The following MAP3K7 variants were observed in gnomAD, a reference collection of about 807,000 sequenced individuals.
The protein encoded by MAP3K7 is TGF-beta activated kinase 1.
Under a neutral mutation model 84.8 loss-of-function variants are expected in MAP3K7, and 21 were observed. The observed-to-expected ratio is 0.25, with a 90% CI of 0.18 to 0.36. The LOEUF (loss-of-function observed/expected upper bound fraction) is 0.36, where lower values mean the gene tolerates loss of function less well. MAP3K7 is among the 10% of genes least tolerant of loss of function. MAP3K7 has a pLI of 1.00. For synonymous variants in MAP3K7, 241 were observed against 247.7 expected, an observed-to-expected ratio of 0.97 and a Z score of 0.25; for missense variants, 503 against 747.7, an observed-to-expected ratio of 0.67 and a Z score of 3.82.
chr6:90,537,131 A>C (rs1379333212), intron 12 of MAP3K7: 1 of 152,062 alleles, frequency 6.6e-6, no homozygotes, highest in Non-Finnish European at 1.5e-5. Flanking sequence ...AAAACAATGA[A>C]TTGAGCAATG....
chr6:90,566,335 CCTT>C (rs1776703694), intron 3 of MAP3K7, among the ~76,000 whole-genome samples: 2 of 152,192 alleles, frequency 1.3e-5, no homozygotes, highest in Admixed American at 1.3e-4. Context: ...CCCAAAATCT[CCTT>C]AAGCTGATAA....
intron 1 of MAP3K7, among the ~76,000 whole-genome samples, chr6:90,577,167 G>T: frequency 6.6e-6 from 1 of 152,210 alleles, no homozygotes; most frequent in Non-Finnish European, 1.5e-5. Flanking sequence ...TGTTTTAGAA[G>T]TAGAGTCAAT....
chr6:90,527,270 C>CTT (rs990290061), intron 13 of MAP3K7, among the ~76,000 whole-genome samples: 16 of 147,890 alleles, frequency 1.1e-4, no homozygotes, highest in African/African-American at 3.7e-4. Context: ...TTCTTTCTTT[C>CTT]TTTTTTTTTT....
chr6:90,525,725 G>A lies in MAP3K7; in HGVS notation c.1357-1942C>T, dbSNP rs1217804856. ...TGGGACTACAGGCACACACAACTAT[G>A]CCCAGTTAATTTTAAAATATTTTGT... is the stretch of plus-strand genomic sequence containing the variant. On this transcript the variant is annotated intron_variant, in intron 13 of 16. Coordinates refer to ENST00000369329, the MANE Select transcript of MAP3K7 (RefSeq NM_145331.3). 2.7e-5 allele frequency among the ~76,000 whole-genome samples: 4 copies of A among 150,712 alleles called. No homozygotes were observed. In the South Asian group the frequency reaches 8.4e-4, roughly 32 times the overall value.
At chr6:90,534,399 A>G (rs1028708917) in intron 13 of MAP3K7, among the ~76,000 whole-genome samples, 4 of 152,298 alleles carry the variant, frequency 2.6e-5, no homozygotes, top group African/African-American at 9.6e-5. Flanking sequence ...TATAACACAA[A>G]TAATTTTGAA....
chr6:90,585,751 A>G (rs1760632817), intron 1 of MAP3K7, among the ~76,000 whole-genome samples: 1 of 152,216 alleles, frequency 6.6e-6, no homozygotes, highest in Non-Finnish European at 1.5e-5. Context: ...GTTTTCTGAT[A>G]GCGATTTCTA....
chr6:90,527,451 A>G (rs536582333), intron 13 of MAP3K7, among the ~76,000 whole-genome samples: 76 of 151,650 alleles, frequency 5.0e-4, no homozygotes, highest in African/African-American at 1.8e-3. Context: ...ATTTGTGTAG[A>G]GACGGGGTCT....
chr6:90,548,150 T>C lies in MAP3K7; in HGVS notation c.977A>G (p.Asn326Ser). The change falls in exon 10 of 17, where the codon AAT becomes AGT. Residue 326 changes from asparagine to serine, a missense_variant. Asn to Ser is a conservative substitution (Grantham distance 46). Around this residue, in one of 5 missense-constraint regions of MAP3K7, gnomAD observed 286 missense variants for 313.6 expected, o/e 0.91. Coordinates refer to ENST00000369329, the MANE Select transcript of MAP3K7 (RefSeq NM_145331.3). ...ATTAGTGTCACTTTTGTTACTCGTA[T>C]TTGTAGAAGCAATGTCCATGAATGA... ...TGSFMDIAST[N>S]TSNKSDTNME... is the part of the protein sequence containing the mutation. 1.2e-6 allele frequency: 2 copies of C among 1,612,072 alleles called. No homozygotes were observed. The highest frequency in any genetic ancestry group is 8.5e-7 in the Non-Finnish European group (1 of 1,179,000).
intron 15 of MAP3K7, 62 bp downstream of exon 15, chr6:90,519,196 T>C (rs1775067178): frequency 2.7e-6 from 3 of 1,093,854 alleles, no homozygotes; most frequent in Non-Finnish European, 2.8e-6. Flanking sequence ...AGCAACACAA[T>C]TGTCAACTTA....
chr6:90,586,809 G>A lies in MAP3K7; in HGVS notation c.75C>T (p.Val25=). Residue 25 remains valine, a synonymous_variant, in exon 1 of 17, where the codon GTC becomes GTT. Coordinates refer to ENST00000369329, the MANE Select transcript of MAP3K7 (RefSeq NM_145331.3). ...AGEMIEAPSQ[V]LNFEEIDYKE... Reference sequence around the variant, plus strand: ...TGTAGTCGATCTCTTCAAAGTTGAGGACCTGGGAAGGGGCTTCGATCATCT... The same window carrying A: ...TGTAGTCGATCTCTTCAAAGTTGAGAACCTGGGAAGGGGCTTCGATCATCT... 2 of 1,610,444 alleles carry A rather than the reference G, an allele frequency of 1.2e-6. No individual in the cohort carries two copies. The highest frequency in any genetic ancestry group is 1.7e-6 in the Non-Finnish European group (2 of 1,178,352).
intron 6 of MAP3K7, 90 bp from the exon 7 acceptor site, chr6:90,553,676 A>C: frequency 9.0e-7 from 1 of 1,110,294 alleles, no homozygotes; most frequent in South Asian, 1.6e-5. Flanking sequence ...AATGGGTATC[A>C]GGGATAAAAA....
At chr6:90,557,353 C>T (rs1776369635) in intron 5 of MAP3K7, among the ~76,000 whole-genome samples, 1 of 152,084 alleles carries the variant, frequency 6.6e-6, no homozygotes, top group South Asian at 2.1e-4. Flanking sequence ...GTAGTAATAT[C>T]CAATAGCAGT....
At chr6:90,532,359 A>G (rs1436834602) in intron 13 of MAP3K7, among the ~76,000 whole-genome samples, 1 of 152,218 alleles carries the variant, frequency 6.6e-6, no homozygotes, top group Non-Finnish European at 1.5e-5. Context: ...AGAGGCTGGC[A>G]TACAACATGG....
intron 14 of MAP3K7, among the ~76,000 whole-genome samples, chr6:90,522,813 A>G (rs1423817517): frequency 6.6e-6 from 1 of 152,176 alleles, no homozygotes; most frequent in Non-Finnish European, 1.5e-5. Flanking sequence ...TAAAGACAGA[A>G]AGCTGGCTTT....
intron 1 of MAP3K7, among the ~76,000 whole-genome samples, chr6:90,582,827 TATC>T (rs1481769172): frequency 1.3e-5 from 2 of 152,108 alleles, no homozygotes; most frequent in African/African-American, 2.4e-5. Flanking sequence ...TCCAGTCTGA[TATC>T]ATACTAAGTC....
At chr6:90,560,257 TAA>T in intron 4 of MAP3K7, 43 bp from the exon 5 acceptor site, 1 of 1,608,434 alleles carries the variant, frequency 6.2e-7, no homozygotes, top group East Asian at 2.2e-5. Flanking sequence ...TTATTGCATA[TAA>T]CAAAAGACAC....
chr6:90,544,613 C>T lies in MAP3K7; in HGVS notation c.1230G>A (p.Arg410=). 1 of 1,612,382 alleles carries T rather than the reference C, an allele frequency of 6.2e-7. No homozygotes were observed. The highest frequency in any genetic ancestry group is 8.5e-7 in the Non-Finnish European group (1 of 1,178,872). The part of the protein sequence containing the change: ...AATTAYSKPK[R]GHRKTASFGN... ...CAAATGAAGCAGTTTTACGGTGGCC[C>T]CGTTTAGGCTTGGAATAGGCTGCAA... is the stretch of plus-strand genomic sequence containing the variant. Residue 410 remains arginine, a synonymous_variant, in exon 12 of 17, where the codon CGG becomes CGA. Transcript: ENST00000369329.
intron 13 of MAP3K7, among the ~76,000 whole-genome samples, chr6:90,525,650 C>G (rs537599676): frequency 2.6e-5 from 4 of 152,286 alleles, no homozygotes; most frequent in African/African-American, 9.6e-5. Context: ...TCACTGTACC[C>G]TCAAACTCCT....
At chr6:90,574,356 G>A (rs1436438093) in intron 1 of MAP3K7, among the ~76,000 whole-genome samples, 2 of 152,008 alleles carry the variant, frequency 1.3e-5, no homozygotes, top group Non-Finnish European at 1.5e-5. Context: ...TAATCGCCCT[G>A]CCTCAGCCTC....
Sources: gnomAD v4.1 joint callset for allele counts (sites outside exome capture counted in the v4.1 genomes callset) on GRCh38, gnomAD v4.1.1 for gene constraint, gnomAD v4.1.1 regional missense constraint, MANE v1.5 for transcripts, NCBI Gene and HGNC (gene_info 2026-07-23, HGNC 2026-07-21) for gene names.